Variants in SERINC2 observed in about 807,000 individuals in gnomAD.
SERINC2 encodes the protein tumor differentially expressed protein 2.
SERINC2 carries 56 observed loss-of-function variants against 54.2 expected under a neutral mutation model. The observed-to-expected ratio is 1.03, with a 90% CI of 0.83 to 1.29. SERINC2 has a LOEUF of 1.29. SERINC2 is among the 50% of genes most tolerant of loss of function. The pLI is 0.00. For synonymous variants in SERINC2, 272 were observed against 253.1 expected (o/e 1.07, Z -0.71); for missense variants, 614 against 607.4 (o/e 1.01, Z -0.12).
Position 31,413,343 on chromosome 1 carries a change from C to G in SERINC2, c.39+39C>G. 1 of 1,125,594 alleles carries G rather than the reference C, an allele frequency of 8.9e-7. No individual in the cohort carries two copies. Among genetic ancestry groups the G allele is most frequent in the Non-Finnish European group, 1.1e-6 (1 of 886,710 alleles). 69.7% of individuals were successfully genotyped at this position (1,125,594 alleles called of 1,614,324 possible). A position where few individuals can be genotyped will look rare whatever the true frequency, so the allele number is the denominator to read the frequency against. On this transcript the variant is annotated intron_variant, in intron 1 of 9. Transcript: ENST00000373709. This position sits in a 1 kb window ranked among gnomAD's most constrained non-coding sequence, Gnocchi z 5.0. ...CCGGCGCCCGCCCGCGCGCGCCGCC[C>G]GTTCCTGCTGCGGGCCCTCACTTTC...
chr1:31,419,255 G>A (rs1640849846), intron 1 of SERINC2, among the ~76,000 whole-genome samples: 1 of 152,170 alleles, frequency 6.6e-6, no homozygotes, highest in Middle Eastern at 3.2e-3. Flanking sequence ...AGCATTCCAT[G>A]GAGTGAAAGG....
Position 31,413,692 on chromosome 1 carries a change from A to C in SERINC2, c.39+388A>C. 1 of 1,114,662 alleles carries C rather than the reference A, an allele frequency of 9.0e-7. No homozygotes were observed. The highest frequency in any genetic ancestry group is 1.1e-6 in the Non-Finnish European group (1 of 873,194). 69.0% of individuals were successfully genotyped at this position (1,114,662 alleles called of 1,614,324 possible). A position where few individuals can be genotyped will look rare whatever the true frequency, so the allele number is the denominator to read the frequency against. On this transcript the variant is annotated intron_variant, in intron 1 of 9. Coordinates refer to ENST00000373709, the MANE Select transcript of SERINC2 (RefSeq NM_178865.5). This position sits in a 1 kb window ranked among gnomAD's most constrained non-coding sequence, Gnocchi z 5.0. ...GGGGTGGCCTCTGTCCCCGTCCCGG[A>C]CGCCCTGGTTCTCTGTGTAGGTCGC...
Position 31,423,741 on chromosome 1 carries a change from C to T in SERINC2, c.88C>T (p.Pro30Ser). Residue 30 changes from proline to serine, a missense_variant, in exon 2 of 10, where the codon CCC (proline) becomes TCC (serine). Transcript: ENST00000373709. ...SAPCILCSCC[P>S]ASRNSTVSRL... The stretch of plus-strand genomic sequence containing the variant: ...CCCCTGCATCCTGTGCAGCTGCTGC[C>T]CCGCCAGCCGCAACTCCACCGTGAG... The T allele has an allele frequency of 6.2e-7, 1 of 1,613,034 alleles. No homozygotes were observed.
At chr1:31,432,129 T>C (rs141292479) in intron 8 of SERINC2, among the ~76,000 whole-genome samples, 894 of 9,784 alleles carry the variant, frequency 0.091, 76 homozygotes, top group Middle Eastern at 0.25. Flanking sequence ...TTAGGGTGGA[T>C]AGGGTGGACA....
At chr1:31,433,474 G>A (rs1029692061) in intron 9 of SERINC2, among the ~76,000 whole-genome samples, 14 of 152,150 alleles carry the variant, frequency 9.2e-5, no homozygotes, top group African/African-American at 3.4e-4. Context: ...AGGGGTCATG[G>A]GGTCAGATTT....
rs1641409584 is a variant in SERINC2, at chr1:31,434,310, C to T, written c.*111C>T. 1.7e-6 allele frequency: 2 copies of T among 1,159,556 alleles called. No homozygotes were observed. Among genetic ancestry groups the T allele is most frequent in the African/African-American group, 3.0e-5 (2 of 65,870 alleles). The allele number at this position is 1,159,556 out of a possible 1,614,324, so 71.8% of individuals were successfully genotyped here. ...CAATCAGCCAGGCTGAGCCCCCACC[C>T]CTGCCCCAGCTCCAGGACCTGCCCC... On this transcript the variant is annotated 3_prime_UTR_variant, in exon 10 of 10. Coordinates refer to ENST00000373709, the MANE Select transcript of SERINC2 (RefSeq NM_178865.5).
At position 31,414,419 on chromosome 1, in the gene SERINC2, GGTTGTGTGTGTGT is replaced by G. The variant is rs1220268470; in HGVS notation, c.39+1118_39+1130del. 2.1e-5 allele frequency: 24 copies of G among 1,146,298 alleles called. No individual in the cohort carries two copies. In the African/African-American group the frequency reaches 4.9e-4, roughly 23 times the overall value. The allele number at this position is 1,146,298 out of a possible 1,614,324, so 71.0% of individuals were successfully genotyped here. On this transcript the variant is annotated intron_variant, in intron 1 of 9. Coordinates refer to ENST00000373709, the MANE Select transcript of SERINC2 (RefSeq NM_178865.5). ...GACTCGCTTTCCTTTGTCCCTGACG[GGTTGTGTGTGTGT>G]GTGTGTGTGTGTGTGTGTGTGTGAG...
chr1:31,434,054 T>G lies in SERINC2; in HGVS notation c.1233-10T>G. The G allele has an allele frequency of 1.9e-6, 3 of 1,612,744 alleles. No homozygotes were observed. Among genetic ancestry groups the G allele is most frequent in the Non-Finnish European group, 2.5e-6 (3 of 1,179,354 alleles). Reference sequence around the variant, plus strand: ...GGCACCAGGCTCATGGGGAAGATGGTGTGTTCCAGGCCCGGTGAGACCCGG... The same window carrying G: ...GGCACCAGGCTCATGGGGAAGATGGGGTGTTCCAGGCCCGGTGAGACCCGG... On this transcript the variant is annotated splice_polypyrimidine_tract_variant and intron_variant, in intron 9 of 9. Transcript: ENST00000373709.
rs544093454 is a variant in SERINC2 at position 31,413,793 on chromosome 1, C to G, written c.39+489C>G. 1.0e-3 allele frequency: 1,368 copies of G among 1,371,248 alleles called. 13 individuals are homozygous for G. In the South Asian group the frequency reaches 0.011, roughly 11 times the overall value. The allele number at this position is 1,371,248 out of a possible 1,614,324, so 84.9% of individuals were successfully genotyped here. The stretch of plus-strand genomic sequence containing the variant: ...TGCCAGTCCGCCTGTTCCTGTCGCT[C>G]GGGCTCCGCCTGTCCGTTCGTATTT... On this transcript the variant is annotated intron_variant, in intron 1 of 9. Transcript: ENST00000373709. This position sits in a 1 kb window ranked among gnomAD's most constrained non-coding sequence, Gnocchi z 5.0.
At chr1:31,432,230 G>GAGTGGAGAGAGTGGACAGGGTGGAGA (rs1557501868) in intron 8 of SERINC2, among the ~76,000 whole-genome samples, 1 of 151,576 alleles carries the variant, frequency 6.6e-6, no homozygotes, top group Non-Finnish European at 1.5e-5. Flanking sequence ...AGGGTGGATA[G>GAGTGGAGAGAGTGGACAGGGTGGAGA]GGACCCACTG....
intron 6 of SERINC2, among the ~76,000 whole-genome samples, chr1:31,428,551 C>G (rs1393690713): frequency 4.6e-5 from 7 of 152,034 alleles, no homozygotes; most frequent in African/African-American, 1.7e-4. Flanking sequence ...CCGCAGGAGT[C>G]CTGTCTGAAT....
At chr1:31,426,056 C>A in intron 5 of SERINC2, 143 bp downstream of exon 5, 2 of 869,852 alleles carry the variant, frequency 2.3e-6, no homozygotes, top group Non-Finnish European at 3.4e-6. Flanking sequence ...TTCCAATTGT[C>A]CCAGGGAGAT....
At chr1:31,429,105 G>A (rs532126189) in intron 7 of SERINC2, 37 bp downstream of exon 7, 46 of 1,554,250 alleles carry the variant, frequency 3.0e-5, no homozygotes, top group East Asian at 1.1e-4. Context: ...GCCTGGCCTC[G>A]TTCCTGGGTC....
At position 31,432,113 on chromosome 1, in the gene SERINC2, GGGTGGTTAGGGTGGATAGGGTGGAC is replaced by G. The variant is rs1641289372; in HGVS notation, c.1014-853_1014-829del. Reference sequence around the variant, plus strand: ...GTGGACAGGGTGGACAGGGTGGATAGGGTGGTTAGGGTGGATAGGGTGGACAGGGTGGACAGGGTGGACAGGGTGG... The same window carrying G: ...GTGGACAGGGTGGACAGGGTGGATAGAGGGTGGACAGGGTGGACAGGGTGG... On this transcript the variant is annotated intron_variant, in intron 8 of 9. Coordinates refer to ENST00000373709, the MANE Select transcript of SERINC2 (RefSeq NM_178865.5). Among the ~76,000 whole-genome samples the G allele has an allele frequency of 3.1e-5, 4 of 129,346 alleles. 1 individual carries two copies. The highest frequency in any genetic ancestry group is 2.6e-4 in the South Asian group (1 of 3,778). 84.9% of individuals were successfully genotyped at this position (129,346 alleles called of 152,430 possible).
At chr1:31,430,522 T>C (rs1231089666) in intron 8 of SERINC2, among the ~76,000 whole-genome samples, 1 of 149,938 alleles carries the variant, frequency 6.7e-6, no homozygotes, top group Non-Finnish European at 1.5e-5. Flanking sequence ...GTTTTGTAAT[T>C]AGTCAGGCAT....
intron 8 of SERINC2, 114 bp from the exon 9 acceptor site, chr1:31,432,853 C>A: frequency 1.3e-6 from 1 of 768,470 alleles, no homozygotes; most frequent in Non-Finnish European, 2.1e-6. Flanking sequence ...AGTTTGTTAA[C>A]TCCCAGGCCC....
At chr1:31,425,557 T>C in intron 4 of SERINC2, 148 bp downstream of exon 4, 2 of 882,520 alleles carry the variant, frequency 2.3e-6, no homozygotes, top group Non-Finnish European at 3.7e-6. Flanking sequence ...GAGACAGCAC[T>C]GTGGTGCTTG....
In SERINC2 at chr1:31,434,165, C is replaced by T. The variant is rs201298898; in HGVS notation, c.1334C>T (p.Ala445Val). ...GLLLYLWTLV[A>V]PLLLRNRDFS Reference sequence around the variant, plus strand: ...CTCCTCTACCTGTGGACCCTGGTAGCCCCACTCCTCCTGCGCAACCGCGAC... The same window carrying T: ...CTCCTCTACCTGTGGACCCTGGTAGTCCCACTCCTCCTGCGCAACCGCGAC... The change falls in exon 10 of 10, where the codon GCC (alanine) becomes GTC (valine). Residue 445 changes from alanine (A) to valine (V), a missense_variant. By Grantham distance (64) the Ala-to-Val change is moderately conservative. Transcript: ENST00000373709. 2.5e-4 allele frequency: 406 copies of T among 1,613,586 alleles called. No individual in the cohort carries two copies. Among genetic ancestry groups the T allele is most frequent in the Non-Finnish European group, 3.2e-4 (374 of 1,179,892 alleles).
At chr1:31,433,830 C>T (rs998127205) in intron 9 of SERINC2, among the ~76,000 whole-genome samples, 2 of 152,018 alleles carry the variant, frequency 1.3e-5, no homozygotes, top group Non-Finnish European at 2.9e-5. Context: ...AGGTTGGAGA[C>T]CAGGAGTCAG....
Sources: allele counts gnomAD v4.1 joint callset (sites outside exome capture counted in the v4.1 genomes callset), GRCh38; gene constraint gnomAD v4.1.1; non-coding constraint Gnocchi (gnomAD v3.1); transcripts MANE v1.5; gene names NCBI Gene and HGNC (gene_info 2026-07-23, HGNC 2026-07-21).